DSC1: variants seen among roughly 807,000 people sequenced by gnomAD.
The protein encoded by DSC1 is desmocollin-1.
A neutral mutation model predicts 98.8 loss-of-function variants in DSC1; 79 were observed. That is an observed-to-expected ratio of 0.80 (90% confidence interval 0.67 to 0.96). The LOEUF (loss-of-function observed/expected upper bound fraction) is 0.96, where lower values mean the gene tolerates loss of function less well. DSC1 is among the 50% of genes least tolerant of loss of function. The probability of loss-of-function intolerance (pLI) is 0.00; values close to 1 mark genes in which losing one functional copy is unlikely to be tolerated. For missense variants in DSC1, 1,115 were observed against 1,075.9 expected (o/e 1.04, Z -0.51); for synonymous variants, 405 against 372.1 (o/e 1.09, Z -1.02).
At position 31,143,765 on chromosome 18, in the gene DSC1, C is replaced by T. The variant is rs142168169; in HGVS notation, c.966G>A (p.Met322Ile). ...REKCDTYQLI[M>I]EVRDMGGQPF... is the part of the protein sequence containing the mutation. ...GCTGACCACCCATGTCTCGCACTTC[C>T]ATTATTAACTGGTAAGTATCACATT... The change falls in exon 8 of 16, where the codon ATG becomes ATA. Residue 322 changes from methionine (M) to isoleucine (I), a missense_variant. Met to Ile is a conservative substitution (Grantham distance 10, BLOSUM62 1). Coordinates refer to ENST00000257198, the MANE Select transcript of DSC1 (RefSeq NM_024421.2). The T allele has an allele frequency of 2.9e-5, 47 of 1,595,850 alleles. No homozygotes were observed. The African/African-American group carries it at 5.5e-4, about 19-fold the overall frequency.
rs190506456 is a variant in DSC1 at position 31,141,875 on chromosome 18, C to A, written c.1260+124G>T. The A allele has an allele frequency of 3.2e-3, 2,890 of 908,022 alleles. 65 individuals are homozygous for A. The African/African-American group carries it at 0.047, about 15-fold the overall frequency. 56.2% of individuals were successfully genotyped at this position (908,022 alleles called of 1,614,324 possible). A position where few individuals can be genotyped will look rare whatever the true frequency, so the allele number is the denominator to read the frequency against. Reference sequence around the variant, plus strand: ...TAAGAAACAACAAAGTTTATATAAACCAATATAAATCATTTGGCCTTGCAC... The same window carrying A: ...TAAGAAACAACAAAGTTTATATAAAACAATATAAATCATTTGGCCTTGCAC... On this transcript the variant is annotated intron_variant, in intron 9 of 15. Transcript: ENST00000257198.
intron 2 of DSC1, among the ~76,000 whole-genome samples, chr18:31,158,580 GA>G (rs1275424747): frequency 6.6e-6 from 1 of 152,094 alleles, no homozygotes; most frequent in Non-Finnish European, 1.5e-5. Flanking sequence ...AAACCTTGAT[GA>G]AAAAAATTTT....
chr18:31,131,559 C>T (rs780784082), intron 15 of DSC1, 35 bp downstream of exon 15: 16 of 1,605,296 alleles, frequency 1.0e-5, no homozygotes, highest in Middle Eastern at 1.7e-4. Context: ...CATTTAACTT[C>T]CATGTAATAT....
intron 6 of DSC1, among the ~76,000 whole-genome samples, 171 bp downstream of exon 6, chr18:31,148,327 C>T (rs1426585624): frequency 6.6e-6 from 1 of 152,020 alleles, no homozygotes; most frequent in African/African-American, 2.4e-5. Flanking sequence ...AATTACCACC[C>T]TTAATAGCAA....
At chr18:31,134,881 T>A in intron 11 of DSC1, 97 bp from the exon 12 acceptor site, 1 of 1,160,422 alleles carries the variant, frequency 8.6e-7, no homozygotes, top group Non-Finnish European at 1.2e-6. Flanking sequence ...TTCTACTAGC[T>A]GTCTGAGCTT....
chr18:31,143,591 A>G (rs555792184), intron 8 of DSC1, 66 bp downstream of exon 8: 239 of 1,330,776 alleles, frequency 1.8e-4, no homozygotes, highest in Non-Finnish European at 2.2e-4. Flanking sequence ...CAGAGCTACC[A>G]AATTCTAGAC....
intron 5 of DSC1, among the ~76,000 whole-genome samples, chr18:31,150,262 C>T (rs59190852): frequency 6.3e-5 from 7 of 111,038 alleles, no homozygotes; most frequent in South Asian, 6.1e-4. Flanking sequence ...CCACCACCAT[C>T]ATCATCACCA....
At position 31,139,842 on chromosome 18, in the gene DSC1, G is replaced by A. The variant is rs770611900; in HGVS notation, c.1569C>T (p.His523=). The change falls in exon 11 of 16, where the codon CAC becomes CAT. Residue 523 remains histidine, a synonymous_variant. Coordinates refer to ENST00000257198, the MANE Select transcript of DSC1 (RefSeq NM_024421.2). ...DEDNWFEINQ[H]TGDLRTLKVL... ...CTTTTAGAGTTCTCAAGTCGCCAGT[G>A]TGTTGATTAATTTCAAACCAGTTAT... 2.5e-6 allele frequency: 4 copies of A among 1,611,214 alleles called. No individual in the cohort carries two copies. The African/African-American group carries it at 4.0e-5, about 16-fold the overall frequency.
chr18:31,131,808 T>C lies in DSC1; in HGVS notation c.2273A>G (p.Asn758Ser), dbSNP rs1339306810. The C allele has an allele frequency of 6.2e-7, 1 of 1,614,008 alleles. No homozygotes were observed. Among genetic ancestry groups the C allele is most frequent in the Non-Finnish European group, 8.5e-7 (1 of 1,179,980 alleles). Residue 758 changes from asparagine to serine, a missense_variant, in exon 15 of 16, where the codon AAC becomes AGC. Asn to Ser is a conservative substitution (Grantham distance 46, BLOSUM62 1). Transcript: ENST00000257198. ...AACAGACATGCTTGTGTCACAAATG[T>C]TGGATGTCTGCATGGGGAGTCTAAT... is the stretch of plus-strand genomic sequence containing the variant. ...ANIRLPMQTS[N>S]ICDTSMSVGT...
intron 15 of DSC1, 153 bp downstream of exon 15, chr18:31,131,441 T>C (rs1988486162): frequency 9.6e-7 from 1 of 1,045,736 alleles, no homozygotes; most frequent in East Asian, 2.6e-5. Context: ...ATTTTTATCT[T>C]TGGGTTTAAA....
rs142527298 is a variant in DSC1 at position 31,145,995 on chromosome 18, A to G, written c.773-218T>C. Among the ~76,000 whole-genome samples, 799 of 152,314 alleles carry G rather than the reference A, an allele frequency of 5.2e-3. 7 individuals are homozygous for G. The highest frequency in any genetic ancestry group is 8.0e-3 in the Non-Finnish European group (545 of 68,012). On this transcript the variant is annotated intron_variant, in intron 6 of 15. Coordinates refer to ENST00000257198, the MANE Select transcript of DSC1 (RefSeq NM_024421.2). ...GGCCCCTGTGAATAACATGATTCAT[A>G]TTCTACATAGATGAGAACAGTTCCC... is the stretch of plus-strand genomic sequence containing the variant.
chr18:31,152,523 C>CA (rs1397391469), intron 5 of DSC1, among the ~76,000 whole-genome samples: 1 of 152,106 alleles, frequency 6.6e-6, no homozygotes, highest in Non-Finnish European at 1.5e-5. Context: ...GGTTTAAGGA[C>CA]AAAATTCTAG....
chr18:31,129,236 T>A lies in DSC1; in HGVS notation c.*1278A>T, dbSNP rs1988431938. ...TAAGTGTTGCTGTAATTGATTTCAA[T>A]TTTTTTTTTTTTTTTTGAGACGGAG... On this transcript the variant is annotated 3_prime_UTR_variant, in exon 16 of 16. Coordinates refer to ENST00000257198, the MANE Select transcript of DSC1 (RefSeq NM_024421.2). The A allele has an allele frequency of 1.4e-4, 2 of 14,420 alleles. No individual in the cohort carries two copies. Among genetic ancestry groups the A allele is most frequent in the Admixed American group, 6.0e-4 (1 of 1,662 alleles). 0.9% of individuals were successfully genotyped at this position (14,420 alleles called of 1,614,324 possible).
chr18:31,147,012 T>C lies in DSC1; in HGVS notation c.773-1235A>G, dbSNP rs78581211. On this transcript the variant is annotated intron_variant, in intron 6 of 15. Coordinates refer to ENST00000257198, the MANE Select transcript of DSC1 (RefSeq NM_024421.2). ...GAAACAGCAATATTATTCACACATA[T>C]GTACATGGAAACAGAATGGAGGAGG... 6.3e-3 allele frequency among the ~76,000 whole-genome samples: 953 copies of C among 152,298 alleles called. 10 individuals are homozygous for C. Among genetic ancestry groups the C allele is most frequent in the African/African-American group, 0.021 (893 of 41,576 alleles).
chr18:31,142,827 T>C (rs1430787014), intron 8 of DSC1, among the ~76,000 whole-genome samples: 2 of 152,120 alleles, frequency 1.3e-5, no homozygotes, highest in African/African-American at 4.8e-5. Flanking sequence ...GTAATAGACC[T>C]AGATTTGAAT....
intron 5 of DSC1, among the ~76,000 whole-genome samples, chr18:31,153,109 T>C (rs1001515879): frequency 1.3e-5 from 2 of 152,064 alleles, no homozygotes; most frequent in Non-Finnish European, 2.9e-5. Context: ...AAGTAACTTA[T>C]TTTTAATTAT....
chr18:31,150,361 C>T lies in DSC1; in HGVS notation c.628-1719G>A, dbSNP rs1263448059. Among the ~76,000 whole-genome samples, 31 of 62,644 alleles carry T rather than the reference C, an allele frequency of 4.9e-4. 1 individual carries two copies. Among genetic ancestry groups the T allele is most frequent in the East Asian group, 1.6e-3 (2 of 1,290 alleles). 41.1% of individuals were successfully genotyped at this position (62,644 alleles called of 152,430 possible). ...CTACCATCACCACCACCACCACCAT[C>T]ATCACCACCACCATCATCACCACCA... On this transcript the variant is annotated intron_variant, in intron 5 of 15. Transcript: ENST00000257198.
At chr18:31,150,329 A>AG (rs1988957655) in intron 5 of DSC1, among the ~76,000 whole-genome samples, 1 of 115,728 alleles carries the variant, frequency 8.6e-6, no homozygotes, top group Non-Finnish European at 1.8e-5. Flanking sequence ...CATCATCACC[A>AG]CCACCACTAC....
Position 31,162,687 on chromosome 18 carries a change from G to A in DSC1, c.-93C>T, listed in dbSNP as rs960059263. ...TAAGAAGACGCTGGCACTTGCACAG[G>A]GTATTCTGCTGCCACCTTGATGCAG... On this transcript the variant is annotated 5_prime_UTR_variant, in exon 1 of 16. Coordinates refer to ENST00000257198, the MANE Select transcript of DSC1 (RefSeq NM_024421.2). 9.1e-7 allele frequency: 1 copy of A among 1,104,132 alleles called. No individual in the cohort carries two copies. Among genetic ancestry groups the A allele is most frequent in the Non-Finnish European group, 1.4e-6 (1 of 729,682 alleles). 68.4% of individuals were successfully genotyped at this position (1,104,132 alleles called of 1,614,324 possible). A position where few individuals can be genotyped will look rare whatever the true frequency, so the allele number is the denominator to read the frequency against.
Sources: allele counts gnomAD v4.1 joint callset (sites outside exome capture counted in the v4.1 genomes callset), GRCh38; gene constraint gnomAD v4.1.1; transcripts MANE v1.5; gene names NCBI Gene and HGNC (gene_info 2026-07-23, HGNC 2026-07-21).